The following IL1RAPL1 variants were observed in gnomAD, a reference collection of about 807,000 sequenced individuals.
IL1RAPL1 encodes the protein interleukin 1 receptor accessory protein like 1, also known as interleukin-1 receptor accessory protein-like 1.
A neutral mutation model predicts 48.4 loss-of-function variants in IL1RAPL1; 3 were observed. The ratio of observed to expected loss-of-function variants is 0.06; its 90% CI spans 0.03 to 0.16. IL1RAPL1 has a LOEUF of 0.16. Ranked by LOEUF, IL1RAPL1 falls within the 10% of genes least tolerant of loss-of-function variation. The probability of loss-of-function intolerance (pLI) is 1.00; values close to 1 mark genes in which losing one functional copy is unlikely to be tolerated. For synonymous variants in IL1RAPL1, 185 were observed against 187.7 expected (o/e 0.99, Z 0.12); for missense variants, 349 against 530.6 (o/e 0.66, Z 3.36).
chrX:29,501,606 C>T (rs1164473245), intron 5 of IL1RAPL1, among the ~76,000 whole-genome samples: 1 of 111,147 alleles, frequency 9.0e-6, no homozygotes, highest in Non-Finnish European at 1.9e-5. Flanking sequence ...TTGCGTTTGT[C>T]AAAAATGAGT....
chrX:29,083,533 C>T (rs1927888236), intron 2 of IL1RAPL1, among the ~76,000 whole-genome samples: 1 of 111,525 alleles, frequency 9.0e-6, no homozygotes, highest in East Asian at 2.8e-4. Context: ...TCTTGGCATG[C>T]TTTTATTCAG....
chrX:29,521,292 T>C (rs1465074170), intron 5 of IL1RAPL1, among the ~76,000 whole-genome samples: 2 of 111,948 alleles, frequency 1.8e-5, no homozygotes, highest in African/African-American at 3.2e-5. Flanking sequence ...CGATGGACCA[T>C]AGATCTGCCT....
chrX:29,837,272 A>AATATATATATAT (rs1229668903), intron 6 of IL1RAPL1, among the ~76,000 whole-genome samples: 1 of 72,122 alleles, frequency 1.4e-5, no homozygotes, highest in Non-Finnish European at 2.4e-5. Context: ...AAAAAAAAAA[A>AATATATATATAT]ATATATATAT....
At chrX:29,602,621 T>C (rs1435042393) in intron 5 of IL1RAPL1, among the ~76,000 whole-genome samples, 6 of 112,360 alleles carry the variant, frequency 5.3e-5, no homozygotes, top group Non-Finnish European at 1.1e-4. Context: ...TTTGCCTTTC[T>C]CAAATCAAAT....
chrX:29,297,091 A>G (rs1932461131), intron 3 of IL1RAPL1, among the ~76,000 whole-genome samples: 1 of 112,039 alleles, frequency 8.9e-6, no homozygotes, highest in Admixed American at 9.5e-5. Flanking sequence ...AGACTGTTCT[A>G]TAAGAGCCGT....
intron 1 of IL1RAPL1, among the ~76,000 whole-genome samples, chrX:28,646,772 T>A (rs951630162): frequency 2.7e-5 from 3 of 112,614 alleles, no homozygotes; most frequent in Non-Finnish European, 3.7e-5. Flanking sequence ...CTCTATGTAT[T>A]CCCAACTGTT....
At chrX:29,110,706 C>T (rs895377583) in intron 2 of IL1RAPL1, among the ~76,000 whole-genome samples, 2 of 111,418 alleles carry the variant, frequency 1.8e-5, no homozygotes, top group East Asian at 2.8e-4. Context: ...TGAGTGCTGC[C>T]GAATGTAACG....
intron 6 of IL1RAPL1, among the ~76,000 whole-genome samples, chrX:29,915,709 ATAT>A (rs1484224182): frequency 1.2e-5 from 1 of 80,708 alleles, no homozygotes; most frequent in African/African-American, 5.2e-5. Flanking sequence ...CCCTCTGGTA[ATAT>A]TCTTTTTTTT....
intron 6 of IL1RAPL1, among the ~76,000 whole-genome samples, chrX:29,867,225 C>T (rs1417099942): frequency 9.0e-6 from 1 of 111,647 alleles, no homozygotes; most frequent in Non-Finnish European, 1.9e-5. Flanking sequence ...AACTTTTGCC[C>T]TGATTTGGAA....
chrX:28,833,297 G>A (rs1921118215), intron 2 of IL1RAPL1, among the ~76,000 whole-genome samples: 1 of 111,498 alleles, frequency 9.0e-6, no homozygotes, highest in Non-Finnish European at 1.9e-5. Flanking sequence ...GGGTGCATGT[G>A]TCTTTTTGGT....
At chrX:29,290,928 G>T (rs1932360546) in intron 3 of IL1RAPL1, among the ~76,000 whole-genome samples, 1 of 111,966 alleles carries the variant, frequency 8.9e-6, no homozygotes, top group Non-Finnish European at 1.9e-5. Flanking sequence ...GGGCTTTGAG[G>T]TGTGGTTCAT....
At chrX:29,204,690 C>T (rs184117841) in intron 2 of IL1RAPL1, among the ~76,000 whole-genome samples, 16 of 111,909 alleles carry the variant, frequency 1.4e-4, no homozygotes, top group East Asian at 5.6e-4. Context: ...TAAAATTAGA[C>T]GGATATATTG....
At chrX:29,432,467 C>T (rs1470011325) in intron 5 of IL1RAPL1, among the ~76,000 whole-genome samples, 1 of 111,377 alleles carries the variant, frequency 9.0e-6, no homozygotes, top group Non-Finnish European at 1.9e-5. Flanking sequence ...CTTTGAGCAA[C>T]TCTCCCTACA....
At chrX:29,031,685 A>T (rs944778876) in intron 2 of IL1RAPL1, among the ~76,000 whole-genome samples, 1 of 111,729 alleles carries the variant, frequency 9.0e-6, no homozygotes, top group Admixed American at 9.5e-5. Flanking sequence ...TTGAAATGCT[A>T]TTATTGGTAA....
chrX:28,654,667 A>T (rs12863066), intron 1 of IL1RAPL1, among the ~76,000 whole-genome samples: 1 of 112,060 alleles, frequency 8.9e-6, no homozygotes, highest in African/African-American at 3.2e-5. Context: ...AATATCAAGC[A>T]CAGGGAAGGA....
intron 5 of IL1RAPL1, among the ~76,000 whole-genome samples, chrX:29,573,798 C>G (rs1307903512): frequency 3.6e-5 from 4 of 111,893 alleles, no homozygotes. Context: ...GGCTAACTGC[C>G]TAGCTCTATT....
At chrX:28,792,510 G>C (rs1054709086) in intron 2 of IL1RAPL1, among the ~76,000 whole-genome samples, 1 of 97,908 alleles carries the variant, frequency 1.0e-5, no homozygotes, top group South Asian at 5.3e-4. Context: ...AAGGCAGGCC[G>C]GGCGCGTTGG....
intron 2 of IL1RAPL1, among the ~76,000 whole-genome samples, chrX:28,903,926 A>G (rs1923149914): frequency 9.1e-6 from 1 of 110,028 alleles, no homozygotes; most frequent in African/African-American, 3.3e-5. Flanking sequence ...GTATATATGT[A>G]TCTGATATAT....
intron 2 of IL1RAPL1, among the ~76,000 whole-genome samples, chrX:29,026,856 A>T (rs1321673315): frequency 9.0e-6 from 1 of 111,522 alleles, no homozygotes; most frequent in Non-Finnish European, 1.9e-5. Context: ...GATTGGCCAT[A>T]GTTTTAGTTT....
Sources: allele counts gnomAD v4.1 joint callset (sites outside exome capture counted in the v4.1 genomes callset), GRCh38; gene constraint gnomAD v4.1.1; transcripts MANE v1.5; gene names NCBI Gene and HGNC (gene_info 2026-07-23, HGNC 2026-07-21).